GPR63: variants seen among roughly 807,000 people sequenced by gnomAD.
The protein encoded by GPR63 is probable G protein-coupled receptor 63.
A neutral mutation model predicts 23.1 loss-of-function variants in GPR63; 12 were observed. The ratio of observed to expected loss-of-function variants is 0.52; its 90% CI spans 0.33 to 0.84. The LOEUF is 0.84. Ranked by LOEUF, GPR63 falls within the 40% of genes least tolerant of loss-of-function variation. GPR63 has a pLI of 0.02. For missense variants in GPR63, 472 were observed against 515.6 expected (o/e 0.92, Z 0.82); for synonymous variants, 172 against 191.1 (o/e 0.90, Z 0.82).
intron 1 of GPR63, among the ~76,000 whole-genome samples, chr6:96,807,315 C>T (rs1773921190): frequency 6.6e-6 from 1 of 151,864 alleles, no homozygotes; most frequent in South Asian, 2.1e-4. Context: ...CTTCCACTCA[C>T]CCAGATCAAT....
rs1420039935 is a variant in GPR63 at position 96,798,358 on chromosome 6, C to T, written c.*114G>A. On this transcript the variant is annotated 3_prime_UTR_variant, in exon 2 of 2. Coordinates refer to ENST00000229955, the MANE Select transcript of GPR63 (RefSeq NM_030784.4). ...TACCATTCTTTCTTTACACTGCTCA[C>T]ACACATACATACACAAACCCTATAA... 1 of 1,013,876 alleles carries T rather than the reference C, an allele frequency of 9.9e-7. No individual in the cohort carries two copies. The highest frequency in any genetic ancestry group is 1.4e-6 in the Non-Finnish European group (1 of 693,386). The allele number at this position is 1,013,876 out of a possible 1,614,324, so 62.8% of individuals were successfully genotyped here. A position where few individuals can be genotyped will look rare whatever the true frequency, so the allele number is the denominator to read the frequency against.
At chr6:96,836,190 A>G (rs189685500) in intron 1 of GPR63, among the ~76,000 whole-genome samples, 16 of 152,128 alleles carry the variant, frequency 1.1e-4, no homozygotes, top group African/African-American at 3.4e-4. Flanking sequence ...GACACGTGGG[A>G]AAAAAAACTT....
intron 1 of GPR63, among the ~76,000 whole-genome samples, chr6:96,835,566 G>A (rs1241845573): frequency 2.0e-5 from 3 of 152,118 alleles, no homozygotes; most frequent in Non-Finnish European, 4.4e-5. Flanking sequence ...TTACTTTCTT[G>A]CTTGCAGTCC....
intron 1 of GPR63, among the ~76,000 whole-genome samples, chr6:96,822,864 C>CA (rs1290182251): frequency 1.3e-5 from 2 of 152,320 alleles, no homozygotes; most frequent in East Asian, 3.9e-4. Flanking sequence ...CATAATTCCT[C>CA]ATTTACAGTC....
chr6:96,797,534 T>TA lies in GPR63; in HGVS notation c.*937dup, dbSNP rs1773621414. 1 of 152,146 alleles carries TA rather than the reference T, an allele frequency of 6.6e-6. No individual in the cohort carries two copies. 9.4% of individuals were successfully genotyped at this position (152,146 alleles called of 1,614,324 possible). A position where few individuals can be genotyped will look rare whatever the true frequency, so the allele number is the denominator to read the frequency against. On this transcript the variant is annotated 3_prime_UTR_variant, in exon 2 of 2. Transcript: ENST00000229955. ...CTCTGAGACCTGCTTTCTTCACCTG[T>TA]AAAAATGAAAACAATAATACCTACC...
At chr6:96,819,332 T>C (rs1338244543) in intron 1 of GPR63, among the ~76,000 whole-genome samples, 1 of 152,202 alleles carries the variant, frequency 6.6e-6, no homozygotes, top group Non-Finnish European at 1.5e-5. Context: ...TGGAATACTA[T>C]GCAGCCATAA....
chr6:96,819,767 G>A (rs1224956447), intron 1 of GPR63, among the ~76,000 whole-genome samples: 2 of 149,622 alleles, frequency 1.3e-5, no homozygotes, highest in African/African-American at 4.9e-5. Context: ...TAGATCACGA[G>A]GTCAGGGATG....
At chr6:96,816,547 G>C (rs1195002489) in intron 1 of GPR63, among the ~76,000 whole-genome samples, 2 of 152,260 alleles carry the variant, frequency 1.3e-5, no homozygotes, top group Middle Eastern at 6.8e-3. Context: ...GAGAACCTGA[G>C]AGGCTACGAT....
intron 1 of GPR63, among the ~76,000 whole-genome samples, chr6:96,830,871 T>C (rs1407465815): frequency 6.6e-6 from 1 of 152,206 alleles, no homozygotes. Flanking sequence ...GCTTCTGTAG[T>C]AGCCAGAGTG....
chr6:96,830,861 G>C (rs1774562045), intron 1 of GPR63, among the ~76,000 whole-genome samples: 1 of 152,152 alleles, frequency 6.6e-6, no homozygotes, highest in Middle Eastern at 3.2e-3. Context: ...GTGACCACAT[G>C]CTTCTGTAGT....
At chr6:96,804,062 C>G (rs1222640332) in intron 1 of GPR63, among the ~76,000 whole-genome samples, 1 of 152,226 alleles carries the variant, frequency 6.6e-6, no homozygotes, top group African/African-American at 2.4e-5. Flanking sequence ...ATGATTCTCT[C>G]TTATTCCATC....
chr6:96,821,717 C>T (rs1193171604), intron 1 of GPR63, among the ~76,000 whole-genome samples: 1 of 152,152 alleles, frequency 6.6e-6, no homozygotes, highest in Non-Finnish European at 1.5e-5. Flanking sequence ...AAATAGGTCT[C>T]AGGCAACAAT....
intron 1 of GPR63, among the ~76,000 whole-genome samples, chr6:96,825,556 G>C (rs1279808654): frequency 6.6e-6 from 1 of 151,994 alleles, no homozygotes; most frequent in Non-Finnish European, 1.5e-5. Context: ...CTAGATATGA[G>C]CAAAGATCTT....
chr6:96,822,014 T>A (rs907416411), intron 1 of GPR63, among the ~76,000 whole-genome samples: 11 of 151,882 alleles, frequency 7.2e-5, no homozygotes, highest in African/African-American at 2.7e-4. Context: ...AATAACCTCA[T>A]GATTGTATAT....
intron 1 of GPR63, among the ~76,000 whole-genome samples, chr6:96,801,439 T>C (rs921281538): frequency 1.3e-5 from 2 of 152,166 alleles, no homozygotes; most frequent in Admixed American, 6.5e-5. Flanking sequence ...CCTCAGGTGA[T>C]CCACCCGCCT....
intron 1 of GPR63, among the ~76,000 whole-genome samples, chr6:96,817,481 G>A (rs1774193449): frequency 6.6e-6 from 1 of 152,072 alleles, no homozygotes; most frequent in Non-Finnish European, 1.5e-5. Flanking sequence ...TGCCTGCTCT[G>A]TTACCCAGTA....
chr6:96,809,236 T>C (rs1773978903), intron 1 of GPR63, among the ~76,000 whole-genome samples: 1 of 152,142 alleles, frequency 6.6e-6, no homozygotes, highest in Non-Finnish European at 1.5e-5. Context: ...CTAACCCCTC[T>C]AGGAGAATCC....
chr6:96,833,508 G>T (rs1033620917), intron 1 of GPR63, among the ~76,000 whole-genome samples: 1 of 152,170 alleles, frequency 6.6e-6, no homozygotes. Context: ...CATTTTAGGA[G>T]AAAGGTAACA....
At chr6:96,830,642 G>T (rs1367766443) in intron 1 of GPR63, among the ~76,000 whole-genome samples, 1 of 152,190 alleles carries the variant, frequency 6.6e-6, no homozygotes, top group Non-Finnish European at 1.5e-5. Context: ...GGGAGTACAT[G>T]CGTGTTTACC....
Sources: gnomAD v4.1 joint callset for allele counts (sites outside exome capture counted in the v4.1 genomes callset) on GRCh38, gnomAD v4.1.1 for gene constraint, MANE v1.5 for transcripts, NCBI Gene and HGNC (gene_info 2026-07-23, HGNC 2026-07-21) for gene names.